The following MFSD11 variants were observed in gnomAD, a reference collection of about 807,000 sequenced individuals.
MFSD11 encodes the protein major facilitator superfamily domain containing 11, also known as UNC93-like protein MFSD11.
MFSD11 carries 36 observed loss-of-function variants against 53.5 expected under a neutral mutation model. The ratio of observed to expected loss-of-function variants is 0.67; its 90% CI spans 0.52 to 0.89. MFSD11 has a LOEUF of 0.89. Ranked by LOEUF, MFSD11 falls within the 40% of genes least tolerant of loss-of-function variation. The probability of loss-of-function intolerance (pLI) is 0.00; values close to 1 mark genes in which losing one functional copy is unlikely to be tolerated. For missense variants in MFSD11, 530 were observed against 543.9 expected, an observed-to-expected ratio of 0.97 and a Z score of 0.25; for synonymous variants, 186 against 184.9, an observed-to-expected ratio of 1.01 and a Z score of -0.05.
At chr17:76,801,079 A>AC in the MFSD11 span, among the ~76,000 whole-genome samples, 1 of 151,790 alleles carries the variant, frequency 6.6e-6, no homozygotes, top group Non-Finnish European at 1.5e-5. Context: ...CGGTCTGAAA[A>AC]AAAAAAAAGG....
chr17:76,775,168 C>T lies in MFSD11; in HGVS notation c.1046C>T (p.Ser349Phe), dbSNP rs1345170961. The T allele has an allele frequency of 6.2e-7, 1 of 1,613,454 alleles. No homozygotes were observed. The highest frequency in any genetic ancestry group is 8.5e-7 in the Non-Finnish European group (1 of 1,179,708). The stretch of plus-strand genomic sequence containing the variant: ...ACTGACAGCAGTGCTTACATCAAAT[C>T]CAGGTATAGTGGCTGTCATTTCTCT... ...KGTDSSAYIK[S>F]SKEVAILCSF... Residue 349 changes from serine (S) to phenylalanine (F), a missense_variant, in exon 11 of 13, where the codon TCC becomes TTC. Transcript: ENST00000685175.
At chr17:76,738,491 A>G (rs1299198059) in intron 1 of MFSD11, 43 bp downstream of exon 1, 3 of 1,385,804 alleles carry the variant, frequency 2.2e-6, no homozygotes, top group Admixed American at 1.8e-5. Flanking sequence ...TGCCCATCAT[A>G]ATGCAGTCCA....
chr17:76,774,176 T>G (rs1385566886), intron 10 of MFSD11, among the ~76,000 whole-genome samples: 1 of 152,236 alleles, frequency 6.6e-6, no homozygotes, highest in Non-Finnish European at 1.5e-5. Context: ...TCTGCCCGCC[T>G]TGGCCTCCCA....
the MFSD11 span, among the ~76,000 whole-genome samples, chr17:76,799,938 T>TTCTCCTATAGCC: frequency 1.4e-5 from 2 of 146,364 alleles, no homozygotes; most frequent in Non-Finnish European, 3.0e-5. Flanking sequence ...TCTTCTCTTT[T>TTCTCCTATAGCC]TTTCTTTTTC....
intron 8 of MFSD11, among the ~76,000 whole-genome samples, chr17:76,765,380 T>A (rs540256451): frequency 3.6e-4 from 55 of 152,124 alleles, no homozygotes; most frequent in Middle Eastern, 3.4e-3. Context: ...TATTTTGAAA[T>A]TGGAAAGTGT....
At chr17:76,797,479 A>T in the MFSD11 span, among the ~76,000 whole-genome samples, 1 of 152,182 alleles carries the variant, frequency 6.6e-6, no homozygotes, top group Admixed American at 6.6e-5. Context: ...TTAGCATATA[A>T]TGAGGTTGAG....
intron 12 of MFSD11, among the ~76,000 whole-genome samples, 161 bp from the exon 13 acceptor site, chr17:76,778,027 G>A (rs2082000194): frequency 6.6e-6 from 1 of 152,124 alleles, no homozygotes; most frequent in South Asian, 2.1e-4. Context: ...GTGCATGTTT[G>A]TGAGTCAGTG....
chr17:76,785,238 C>A (rs1034869750), downstream of MFSD11, among the ~76,000 whole-genome samples: 3 of 152,142 alleles, frequency 2.0e-5, no homozygotes, highest in Non-Finnish European at 2.9e-5. Context: ...TGCTTGATTT[C>A]ATTTATTATA....
upstream of MFSD11, chr17:76,738,105 C>T (rs2077672623): frequency 6.0e-6 from 3 of 499,152 alleles, no homozygotes; most frequent in Non-Finnish European, 7.0e-6. Context: ...ATTCTTGGCG[C>T]TTCTCCGGGG....
At chr17:76,777,261 C>T (rs1364976508) in intron 12 of MFSD11, among the ~76,000 whole-genome samples, 1 of 148,414 alleles carries the variant, frequency 6.7e-6, no homozygotes, top group Non-Finnish European at 1.5e-5. Flanking sequence ...GAGCGAGACT[C>T]CGTCTCAAAA....
chr17:76,747,678 G>A (rs1175835139), intron 7 of MFSD11, among the ~76,000 whole-genome samples: 1 of 152,192 alleles, frequency 6.6e-6, no homozygotes, highest in Non-Finnish European at 1.5e-5. Flanking sequence ...TGGAGAAGGA[G>A]TCTGTGAAAG....
chr17:76,763,186 A>C (rs952771595), intron 8 of MFSD11, among the ~76,000 whole-genome samples: 2 of 152,038 alleles, frequency 1.3e-5, no homozygotes, highest in African/African-American at 4.8e-5. Flanking sequence ...CCAGATTGTT[A>C]TACCACTTTA....
At chr17:76,794,860 T>C in the MFSD11 span, among the ~76,000 whole-genome samples, 16 of 150,552 alleles carry the variant, frequency 1.1e-4, no homozygotes, top group African/African-American at 3.9e-4. Context: ...GCCCAGCTAA[T>C]TTTTTTTGTA....
intron 5 of MFSD11, among the ~76,000 whole-genome samples, chr17:76,742,548 G>T (rs1046516315): frequency 6.6e-6 from 1 of 151,684 alleles, no homozygotes; most frequent in Non-Finnish European, 1.5e-5. Flanking sequence ...TGTCACCTGG[G>T]CTGGAGTGCA....
At chr17:76,796,193 CT>C in the MFSD11 span, among the ~76,000 whole-genome samples, 4 of 152,128 alleles carry the variant, frequency 2.6e-5, no homozygotes. Context: ...AATGACCTCT[CT>C]TTCTCCTTCC....
the MFSD11 span, among the ~76,000 whole-genome samples, chr17:76,790,940 C>CAA: frequency 8.8e-6 from 1 of 113,494 alleles, no homozygotes; most frequent in Admixed American, 9.0e-5. Context: ...GACTCCATCT[C>CAA]AAAAAAAAAA....
downstream of MFSD11, among the ~76,000 whole-genome samples, chr17:76,779,957 A>G (rs2082117071): frequency 6.6e-6 from 1 of 152,162 alleles, no homozygotes; most frequent in African/African-American, 2.4e-5. Flanking sequence ...CCAGTGTCAC[A>G]CCGTCATTTA....
At chr17:76,740,719 T>TA (rs1014690025) in intron 2 of MFSD11, among the ~76,000 whole-genome samples, 7 of 152,314 alleles carry the variant, frequency 4.6e-5, no homozygotes, top group African/African-American at 1.7e-4. Flanking sequence ...TACCAGTATG[T>TA]AAAAAATGTA....
chr17:76,754,789 T>A (rs1381747305), intron 8 of MFSD11, among the ~76,000 whole-genome samples: 1 of 152,026 alleles, frequency 6.6e-6, no homozygotes, highest in Non-Finnish European at 1.5e-5. Context: ...CATTGAGAAG[T>A]CTTCCTGGCC....
Sources: allele counts gnomAD v4.1 joint callset (sites outside exome capture counted in the v4.1 genomes callset), GRCh38; gene constraint gnomAD v4.1.1; transcripts MANE v1.5; gene names NCBI Gene and HGNC (gene_info 2026-07-23, HGNC 2026-07-21).